IL31RA: variants seen among roughly 807,000 people sequenced by gnomAD.
IL31RA encodes interleukin-31 receptor subunit alpha.
IL31RA carries 66 observed loss-of-function variants against 83.7 expected under a neutral mutation model. The ratio of observed to expected loss-of-function variants is 0.79; its 90% confidence interval spans 0.65 to 0.97. The LOEUF (loss-of-function observed/expected upper bound fraction) is 0.97. IL31RA is among the 50% of genes least tolerant of loss of function. IL31RA has a pLI of 0.00. For synonymous variants in IL31RA, 325 were observed against 329.0 expected (o/e 0.99, Z 0.13); for missense variants, 798 against 919.4 (o/e 0.87, Z 1.71).
chr5:55,846,161 A>G, the IL31RA span, among the ~76,000 whole-genome samples: 4 of 152,198 alleles, frequency 2.6e-5, no homozygotes, highest in Admixed American at 6.5e-5. Context: ...TTTTGGGGAC[A>G]GTGGTTTGTC....
intron 5 of IL31RA, among the ~76,000 whole-genome samples, chr5:55,887,160 C>T (rs1747669284): frequency 6.6e-6 from 1 of 152,224 alleles, no homozygotes; most frequent in African/African-American, 2.4e-5. Context: ...TCCTTATACT[C>T]CAAATTATTT....
rs768606219 is a variant in IL31RA at position 55,910,525 on chromosome 5, C to G, written c.1502-7C>G. 1.2e-5 allele frequency: 19 copies of G among 1,614,024 alleles called. No individual in the cohort carries two copies. The South Asian group carries it at 2.1e-4, about 18-fold the overall frequency. On this transcript the variant is annotated splice_polypyrimidine_tract_variant and splice_region_variant and intron_variant, in intron 11 of 14. Transcript: ENST00000652347. ...TGTGGTGTTTGACCTTTGTATTTTT[C>G]CTTTAGCCAAGACAGTCAATTCCAG...
At chr5:55,842,804 C>T in the IL31RA span, among the ~76,000 whole-genome samples, 2 of 152,126 alleles carry the variant, frequency 1.3e-5, no homozygotes, top group Non-Finnish European at 2.9e-5. Flanking sequence ...TGTGGAATTG[C>T]GTTGAAAGTC....
In IL31RA at chr5:55,910,603, C is replaced by G. The variant is rs1336468016; in HGVS notation, c.1573C>G (p.Gln525Glu). 1 of 1,613,946 alleles carries G rather than the reference C, an allele frequency of 6.2e-7. No individual in the cohort carries two copies. ...GAAACGAAAGACCTCTTACATTGTT[C>G]AGGTCATGGCCAGCACCAGTGCTGG... ...SLKRKTSYIV[Q>E]VMASTSAGGT... The change falls in exon 12 of 15, where the codon CAG (glutamine) becomes GAG (glutamate). Residue 525 changes from glutamine to glutamate, a missense_variant. Physicochemically the swap from Gln to Glu is conservative, Grantham distance 29. Transcript: ENST00000652347.
intron 13 of IL31RA, 107 bp from the exon 14 acceptor site, chr5:55,914,740 G>A: frequency 1.2e-6 from 1 of 863,844 alleles, no homozygotes. Context: ...TTATTTAGGA[G>A]GGAAACTTAC....
At chr5:55,869,024 G>C (rs1467904288) in intron 3 of IL31RA, 116 bp downstream of exon 3, 9 of 762,584 alleles carry the variant, frequency 1.2e-5, no homozygotes, top group Non-Finnish European at 2.1e-5. Flanking sequence ...ACAGCTTCTG[G>C]GTGATTACTG....
rs546081003 is a variant in IL31RA at position 55,894,521 on chromosome 5, A to G, written c.773-1829A>G. Among the ~76,000 whole-genome samples, 20 of 152,332 alleles carry G rather than the reference A, an allele frequency of 1.3e-4. No homozygotes were observed. In the East Asian group the frequency reaches 3.5e-3, roughly 26 times the overall value. On this transcript the variant is annotated intron_variant, in intron 6 of 14. Transcript: ENST00000652347. ...GTTCAATATCCTTATAAGCAATTCT[A>G]ATGGAATTGCATTTATCTCATTGGG...
Position 55,922,189 on chromosome 5 carries a change from AC to A in IL31RA, c.*5073del, listed in dbSNP as rs1339960137. Among the ~76,000 whole-genome samples the A allele has an allele frequency of 6.6e-6, 1 of 151,236 alleles. No homozygotes were observed. The highest frequency in any genetic ancestry group is 2.4e-5 in the African/African-American group (1 of 41,050). Reference sequence around the variant, plus strand: ...ACAGCTCCAATCCATGCTGGAAGAGACCCCAGGCCACAATAGCCCTTGACAC... The same window carrying A: ...ACAGCTCCAATCCATGCTGGAAGAGACCCAGGCCACAATAGCCCTTGACAC... On this transcript the variant is annotated 3_prime_UTR_variant, in exon 15 of 15. Transcript: ENST00000652347.
chr5:55,859,142 G>T (rs1745518937), intron 1 of IL31RA, among the ~76,000 whole-genome samples: 1 of 152,176 alleles, frequency 6.6e-6, no homozygotes, highest in African/African-American at 2.4e-5. Flanking sequence ...GTGGTGCTTG[G>T]CAAAACTGTG....
At chr5:55,843,199 C>T in the IL31RA span, among the ~76,000 whole-genome samples, 1 of 152,156 alleles carries the variant, frequency 6.6e-6, no homozygotes, top group South Asian at 2.1e-4. Context: ...GGGAGCATTT[C>T]TTTCTTTTGC....
At chr5:55,867,237 GTGTGTGTT>G (rs1746195486) in intron 2 of IL31RA, among the ~76,000 whole-genome samples, 3 of 112,530 alleles carry the variant, frequency 2.7e-5, no homozygotes, top group African/African-American at 4.1e-5. Flanking sequence ...GTGTGTTTGT[GTGTGTGTT>G]TGTGTGTGCG....
intron 6 of IL31RA, 91 bp from the exon 7 acceptor site, chr5:55,896,259 C>T (rs1748324034): frequency 1.1e-6 from 1 of 874,056 alleles, no homozygotes; most frequent in African/African-American, 1.6e-5. Context: ...CTCCCTCAAG[C>T]AAATCCTTCC....
At chr5:55,846,136 T>A in the IL31RA span, among the ~76,000 whole-genome samples, 2 of 152,232 alleles carry the variant, frequency 1.3e-5, no homozygotes, top group African/African-American at 4.8e-5. Context: ...TATATCCACC[T>A]GTCTGTCTCT....
intron 8 of IL31RA, among the ~76,000 whole-genome samples, chr5:55,905,370 CT>C (rs1749084239): frequency 6.6e-6 from 1 of 152,186 alleles, no homozygotes; most frequent in Admixed American, 6.5e-5. Context: ...CTCTGCCTTG[CT>C]GCACCTCCAA....
At chr5:55,884,306 T>C (rs1747445187) in intron 5 of IL31RA, among the ~76,000 whole-genome samples, 1 of 152,264 alleles carries the variant, frequency 6.6e-6, no homozygotes, top group African/African-American at 2.4e-5. Context: ...TTATCAGTCT[T>C]TACCTTTATG....
intron 13 of IL31RA, 64 bp downstream of exon 13, chr5:55,913,634 T>A: frequency 9.8e-7 from 1 of 1,017,864 alleles, no homozygotes; most frequent in Non-Finnish European, 1.6e-6. Context: ...GAAGTCATCA[T>A]AGGTGCTTCG....
intron 9 of IL31RA, 54 bp from the exon 10 acceptor site, chr5:55,907,304 TC>T: frequency 3.0e-6 from 3 of 1,010,076 alleles, no homozygotes; most frequent in Non-Finnish European, 3.1e-6. Flanking sequence ...AGTCTAGTAT[TC>T]CCCCCACTCT....
intron 1 of IL31RA, among the ~76,000 whole-genome samples, chr5:55,851,917 GT>G (rs1745093088): frequency 6.6e-6 from 1 of 152,028 alleles, no homozygotes; most frequent in South Asian, 2.1e-4. Flanking sequence ...CTTCCCATTT[GT>G]TTTGTCTTGT....
chr5:55,871,679 G>A (rs1240441516), intron 3 of IL31RA, among the ~76,000 whole-genome samples: 1 of 151,942 alleles, frequency 6.6e-6, no homozygotes, highest in Non-Finnish European at 1.5e-5. Context: ...ACATTTTGAT[G>A]ATCTCTCTAG....
Sources: allele counts gnomAD v4.1 joint callset (sites outside exome capture counted in the v4.1 genomes callset), GRCh38; gene constraint gnomAD v4.1.1; transcripts MANE v1.5; gene names NCBI Gene and HGNC (gene_info 2026-07-23, HGNC 2026-07-21).